Variants in PTPRD observed in about 807,000 individuals in gnomAD.
PTPRD encodes receptor-type tyrosine-protein phosphatase delta.
Under a neutral mutation model 214.5 loss-of-function variants are expected in PTPRD, and 34 were observed. The ratio of observed to expected loss-of-function variants is 0.16; its 90% CI spans 0.12 to 0.21. The LOEUF (loss-of-function observed/expected upper bound fraction) is 0.21, where lower values mean the gene tolerates loss of function less well. Among genes scored for constraint, PTPRD ranks in the 10% least tolerant of loss-of-function variants. PTPRD has a pLI of 1.00. For missense variants in PTPRD, 2,545 were observed against 2,398.7 expected (o/e 1.06, Z -1.27); for synonymous variants, 1,128 against 845.7 (o/e 1.33, Z -5.79).
In PTPRD at chr9:10,271,973, T is replaced by C. The variant is rs559827283; in HGVS notation, c.-545+68990A>G. Among the ~76,000 whole-genome samples, 133 of 152,342 alleles carry C rather than the reference T, an allele frequency of 8.7e-4. 1 individual carries two copies. The Middle Eastern group carries it at 0.034, about 39-fold the overall frequency. On this transcript the variant is annotated intron_variant, in intron 3 of 45. Transcript: ENST00000381196. ...AACAACTTCATGAAGATGAAATTTT[T>C]GTACCATATCATTCATCCATTTAAA...
intron 3 of PTPRD, among the ~76,000 whole-genome samples, chr9:10,259,047 G>C (rs973762189): frequency 6.6e-6 from 1 of 151,814 alleles, no homozygotes; most frequent in Non-Finnish European, 1.5e-5. Context: ...TTTTGAGACG[G>C]AGTCTCACTC....
rs1472080043 is a variant in PTPRD at position 8,317,124 on chromosome 9, G to GAGAC, written c.*746_*749dup. Reference sequence around the variant, plus strand: ...GAAGTGTAAAATTAATATATCTGACGAGACTGATACTGTAGATTGAGTTTT... The same window carrying GAGAC: ...GAAGTGTAAAATTAATATATCTGACGAGACAGACTGATACTGTAGATTGAGTTTT... On this transcript the variant is annotated 3_prime_UTR_variant, in exon 46 of 46. Transcript: ENST00000381196. The GAGAC allele has an allele frequency of 8.6e-6, 2 of 231,556 alleles. No homozygotes were observed. The allele number at this position is 231,556 out of a possible 1,614,324, so 14.3% of individuals were successfully genotyped here. A position where few individuals can be genotyped will look rare whatever the true frequency, so the allele number is the denominator to read the frequency against.
chr9:9,342,627 C>G (rs1459667343), intron 9 of PTPRD, among the ~76,000 whole-genome samples: 1 of 151,836 alleles, frequency 6.6e-6, no homozygotes, highest in Non-Finnish European at 1.5e-5. Flanking sequence ...TCCTAGTAAT[C>G]TTGATGTAAA....
chr9:10,230,284 GTTAAGCCATTCGATTTATGGGAC>G (rs2099604117), intron 3 of PTPRD, among the ~76,000 whole-genome samples: 1 of 152,028 alleles, frequency 6.6e-6, no homozygotes, highest in South Asian at 2.1e-4. Flanking sequence ...ATTGCGTTGT[GTTAAGCCATTCGATTTATGGGAC>G]TTTGTTGTGG....
chr9:9,668,166 G>A (rs2096759258), intron 7 of PTPRD, among the ~76,000 whole-genome samples: 1 of 152,080 alleles, frequency 6.6e-6, no homozygotes, highest in Non-Finnish European at 1.5e-5. Context: ...ATGAAAAGTG[G>A]AAGAAACTCT....
At chr9:8,827,379 G>A (rs2097197362) in intron 11 of PTPRD, among the ~76,000 whole-genome samples, 1 of 152,144 alleles carries the variant, frequency 6.6e-6, no homozygotes, top group Non-Finnish European at 1.5e-5. Context: ...GGCCAAGGTG[G>A]GTGGATCACC....
chr9:9,567,556 C>T (rs1053592823), intron 8 of PTPRD, among the ~76,000 whole-genome samples: 1 of 151,970 alleles, frequency 6.6e-6, no homozygotes. Flanking sequence ...CTAAAGTAAA[C>T]TCACATTTTA....
chr9:9,825,772 G>T (rs536410896), intron 5 of PTPRD, among the ~76,000 whole-genome samples: 2 of 151,398 alleles, frequency 1.3e-5, no homozygotes, highest in Non-Finnish European at 3.0e-5. Flanking sequence ...CTTTCTTCAT[G>T]TATCTCCATT....
At chr9:9,186,368 C>A (rs2099931466) in intron 9 of PTPRD, among the ~76,000 whole-genome samples, 1 of 152,014 alleles carries the variant, frequency 6.6e-6, no homozygotes, top group Admixed American at 6.6e-5. Context: ...CATGGTGGGG[C>A]ACAATCTGAC....
At chr9:8,425,509 C>T (rs1202478121) in intron 35 of PTPRD, among the ~76,000 whole-genome samples, 1 of 152,184 alleles carries the variant, frequency 6.6e-6, no homozygotes, top group African/African-American at 2.4e-5. Flanking sequence ...CGCTTCTTCT[C>T]ATCTCCATGC....
intron 7 of PTPRD, among the ~76,000 whole-genome samples, chr9:9,638,997 A>T (rs537792388): frequency 1.3e-5 from 2 of 152,214 alleles, no homozygotes; most frequent in South Asian, 4.1e-4. Context: ...TCATCACCAA[A>T]ACACCTCCCA....
chr9:9,795,136 G>C (rs140538078), intron 5 of PTPRD, among the ~76,000 whole-genome samples: 2 of 152,278 alleles, frequency 1.3e-5, no homozygotes, highest in South Asian at 4.1e-4. Flanking sequence ...TATAGTTAAG[G>C]CTCCTGTCTC....
chr9:8,487,990 T>C (rs1043979778), intron 27 of PTPRD, among the ~76,000 whole-genome samples: 1 of 152,124 alleles, frequency 6.6e-6, no homozygotes, highest in South Asian at 2.1e-4. Flanking sequence ...GATCACACCA[T>C]TGCTGTCCAG....
At chr9:10,278,014 G>C (rs1027000451) in intron 3 of PTPRD, among the ~76,000 whole-genome samples, 1 of 152,050 alleles carries the variant, frequency 6.6e-6, no homozygotes, top group African/African-American at 2.4e-5. Flanking sequence ...CAAAAAATTG[G>C]CCGGGTGTGG....
chr9:10,408,584 T>A (rs553985310), intron 2 of PTPRD, among the ~76,000 whole-genome samples: 3 of 151,770 alleles, frequency 2.0e-5, no homozygotes, highest in Non-Finnish European at 4.4e-5. Context: ...ACCTCTAGAA[T>A]TGCATTTCTA....
chr9:9,747,240 C>G (rs940469214), intron 6 of PTPRD, among the ~76,000 whole-genome samples: 2 of 65,368 alleles, frequency 3.1e-5, no homozygotes, highest in Admixed American at 1.3e-4. Context: ...CATTTCAGGA[C>G]TATCAACAGC....
chr9:9,430,601 C>A (rs995062667), intron 8 of PTPRD, among the ~76,000 whole-genome samples: 4 of 152,146 alleles, frequency 2.6e-5, no homozygotes, highest in African/African-American at 9.7e-5. Context: ...CCAAGACAAT[C>A]CTAAGCCAAA....
intron 11 of PTPRD, among the ~76,000 whole-genome samples, chr9:8,987,351 A>C (rs2099349631): frequency 6.6e-6 from 1 of 152,088 alleles, no homozygotes. Flanking sequence ...ATCTTTTAAC[A>C]CAAATATTTC....
chr9:10,346,915 A>G (rs2097094378), intron 2 of PTPRD, among the ~76,000 whole-genome samples: 1 of 152,236 alleles, frequency 6.6e-6, no homozygotes, highest in African/African-American at 2.4e-5. Flanking sequence ...AATTTGTTAG[A>G]AATCTTGCAA....
Sources: gnomAD v4.1 joint callset for allele counts (sites outside exome capture counted in the v4.1 genomes callset) on GRCh38, gnomAD v4.1.1 for gene constraint, MANE v1.5 for transcripts, NCBI Gene and HGNC (gene_info 2026-07-23, HGNC 2026-07-21) for gene names.